The following RPL7A variants were observed in gnomAD, a reference collection of about 807,000 sequenced individuals.
RPL7A encodes the protein large ribosomal subunit protein eL8.
For missense variants in RPL7A, 291 were observed against 338.2 expected (o/e 0.86, Z 1.09); for synonymous variants, 158 against 128.2 (o/e 1.23, Z -1.57).
intron 1 of RPL7A, chr9:133,348,453 G>A (rs1836276232): frequency 1.4e-6 from 1 of 701,188 alleles, no homozygotes; most frequent in Non-Finnish European, 2.4e-6. Context: ...CCGGGCGGCC[G>A]AGAGCGGAAT....
At chr9:133,349,344 C>T in intron 2 of RPL7A, 2 of 853,770 alleles carry the variant, frequency 2.3e-6, no homozygotes, top group Admixed American at 1.7e-5. Context: ...GGCACCTTGG[C>T]TTCTTGTTAG....
At chr9:133,349,433 T>G (rs2129986035) in intron 2 of RPL7A, 118 bp from the exon 3 acceptor site, 2 of 1,191,460 alleles carry the variant, frequency 1.7e-6, no homozygotes, top group South Asian at 1.2e-5. Flanking sequence ...ATCTGAGAGA[T>G]GGTGATGACA....
rs1018313351 is a variant in RPL7A, at chr9:133,349,536, C to T, written c.125-15C>T. 4.3e-6 allele frequency: 7 copies of T among 1,614,092 alleles called. No individual in the cohort carries two copies. Among genetic ancestry groups the T allele is most frequent in the Admixed American group, 1.7e-5 (1 of 60,028 alleles). On this transcript the variant is annotated splice_polypyrimidine_tract_variant and intron_variant, in intron 2 of 7. Transcript: ENST00000323345. ...GGAATTTGAGCCTCACTCGGTGTCA[C>T]CCTTTACTTCTCAGGACAGGACATC...
At chr9:133,349,323 C>A in intron 2 of RPL7A, 1 of 811,118 alleles carries the variant, frequency 1.2e-6, no homozygotes, top group Non-Finnish European at 2.2e-6. Context: ...TGCAATTCTG[C>A]TGTACTTCGT....
chr9:133,350,131 G>A, intron 4 of RPL7A, 79 bp downstream of exon 4: 5 of 1,613,354 alleles, frequency 3.1e-6, no homozygotes, highest in Non-Finnish European at 3.4e-6. Flanking sequence ...TGAAATTACT[G>A]TGAAGAGTAA....
At chr9:133,349,824 G>A in intron 3 of RPL7A, 88 bp from the exon 4 acceptor site, 2 of 1,584,804 alleles carry the variant, frequency 1.3e-6, no homozygotes, top group East Asian at 2.2e-5. Context: ...TCATATAGCA[G>A]GACCGCAGTC....
At chr9:133,349,425 C>T in intron 2 of RPL7A, 126 bp from the exon 3 acceptor site, 1 of 1,143,484 alleles carries the variant, frequency 8.7e-7, no homozygotes, top group South Asian at 1.2e-5. Context: ...TATTTGCTAT[C>T]TGAGAGATGG....
Position 133,350,032 on chromosome 9 carries a change from G to A in RPL7A, c.395G>A (p.Arg132Lys), listed in dbSNP as rs2129990798. 2 of 1,613,728 alleles carry A rather than the reference G, an allele frequency of 1.2e-6. No homozygotes were observed. Among genetic ancestry groups the A allele is most frequent in the Non-Finnish European group, 8.5e-7 (1 of 1,180,032 alleles). Residue 132 changes from arginine (R) to lysine (K), a missense_variant, in exon 4 of 8, where the codon AGA becomes AAA. Coordinates refer to ENST00000323345, the MANE Select transcript of RPL7A (RefSeq NM_000972.3). ...AAGKGDVPTK[R>K]PPVLRAGVNT... ...GGCAAAGGGGACGTCCCAACGAAGA[G>A]ACCACCTGTCCTTCGAGCAGGTGAG...
rs1348679734 is a variant in RPL7A at position 133,351,331 on chromosome 9, G to T, written c.766G>T (p.Ala256Ser). The stretch of plus-strand genomic sequence containing the variant: ...GGCTCGTATCGCCAAGCTCGAAAAG[G>T]CAAAGGCTAAAGAACTTGCCACTAA... The part of the protein sequence containing the change: ...SVARIAKLEK[A>S]KAKELATKLG The change falls in exon 8 of 8, where the codon GCA becomes TCA. Residue 256 changes from alanine to serine, a missense_variant. Transcript: ENST00000323345. 5 of 1,613,304 alleles carry T rather than the reference G, an allele frequency of 3.1e-6. No individual in the cohort carries two copies. The Admixed American group carries it at 8.3e-5, about 27-fold the overall frequency.
chr9:133,348,728 G>A, intron 1 of RPL7A, 194 bp from the exon 2 acceptor site: 1 of 850,656 alleles, frequency 1.2e-6, no homozygotes. Flanking sequence ...GGGTTCCCGG[G>A]GCTGCATGCT....
chr9:133,350,972 C>A, intron 6 of RPL7A, 30 bp from the exon 7 acceptor site: 2 of 1,612,582 alleles, frequency 1.2e-6, no homozygotes, highest in Non-Finnish European at 1.7e-6. Context: ...AGGCAAAAAA[C>A]CCACTTTTGT....
Position 133,349,688 on chromosome 9 carries a change from G to C in RPL7A, c.262G>C (p.Asp88His). Residue 88 changes from aspartate (D) to histidine (H), a missense_variant, in exon 3 of 8, where the codon GAC (aspartate) becomes CAC (histidine). Transcript: ENST00000323345. The stretch of plus-strand genomic sequence containing the variant: ...GATTAACCAGTTCACCCAGGCCCTG[G>C]ACCGCCAAACAGGTGAGGTTCTGTG... Reference protein sequence around the residue: ...PAINQFTQALDRQTATQLLKL... With the variant: ...PAINQFTQALHRQTATQLLKL... The C allele has an allele frequency of 6.2e-7, 1 of 1,613,964 alleles. No homozygotes were observed. Among genetic ancestry groups the C allele is most frequent in the Non-Finnish European group, 8.5e-7 (1 of 1,179,942 alleles).
chr9:133,350,519 C>G (rs369047670), intron 5 of RPL7A, 78 bp from the exon 6 acceptor site: 1 of 1,607,858 alleles, frequency 6.2e-7, no homozygotes, highest in Non-Finnish European at 8.5e-7. Context: ...GCTTTTTAAC[C>G]CTGAGCAATT....
chr9:133,349,840 T>C, intron 3 of RPL7A, 72 bp from the exon 4 acceptor site: 1 of 1,590,012 alleles, frequency 6.3e-7, no homozygotes, highest in Non-Finnish European at 8.6e-7. Context: ...CAGTCCAGCA[T>C]TTGTTATTAA....
chr9:133,349,188 A>G (rs182444745), intron 2 of RPL7A, 146 bp downstream of exon 2: 3 of 1,009,264 alleles, frequency 3.0e-6, no homozygotes, highest in African/African-American at 3.2e-5. Context: ...GGGCAATGAT[A>G]CATGCTTCTT....
intron 1 of RPL7A, chr9:133,348,601 T>A (rs927932170): frequency 3.3e-6 from 2 of 602,696 alleles, no homozygotes; most frequent in Admixed American, 2.6e-5. Flanking sequence ...AGCCCGCCCC[T>A]GTTGCTTCTA....
chr9:133,349,129 A>C (rs2119074295), intron 2 of RPL7A, 87 bp downstream of exon 2: 1 of 1,517,594 alleles, frequency 6.6e-7, no homozygotes, highest in East Asian at 2.3e-5. Flanking sequence ...TGTAGGTTTT[A>C]GTGGGTGTAA....
At chr9:133,349,295 G>A (rs1403400844) in intron 2 of RPL7A, 8 of 766,946 alleles carry the variant, frequency 1.0e-5, no homozygotes, top group Middle Eastern at 2.5e-4. Flanking sequence ...TAGCAGTGTC[G>A]CAGCGAGGTA....
Position 133,350,028 on chromosome 9 carries a change from A to G in RPL7A, c.391A>G (p.Lys131Glu). 1 of 1,613,636 alleles carries G rather than the reference A, an allele frequency of 6.2e-7. No homozygotes were observed. The highest frequency in any genetic ancestry group is 1.3e-5 in the African/African-American group (1 of 75,012). ...TGCTGGCAAAGGGGACGTCCCAACG[A>G]AGAGACCACCTGTCCTTCGAGCAGG... is the stretch of plus-strand genomic sequence containing the variant. ...KAAGKGDVPT[K>E]RPPVLRAGVN... The change falls in exon 4 of 8, where the codon AAG becomes GAG. Residue 131 changes from lysine (K) to glutamate (E), a missense_variant. Physicochemically the swap from Lys to Glu is moderately conservative, Grantham distance 56 (BLOSUM62 1). Coordinates refer to ENST00000323345, the MANE Select transcript of RPL7A (RefSeq NM_000972.3).
Sources: gnomAD v4.1 joint callset for allele counts on GRCh38, gnomAD v4.1.1 for gene constraint, MANE v1.5 for transcripts, NCBI Gene and HGNC (gene_info 2026-07-23, HGNC 2026-07-21) for gene names.